The following SEC11C variants were observed in gnomAD, a reference collection of about 807,000 sequenced individuals.
The protein encoded by SEC11C is signal peptidase complex catalytic subunit SEC11C.
Under a neutral mutation model 21.9 loss-of-function variants are expected in SEC11C, and 10 were observed. The ratio of observed to expected loss-of-function variants is 0.46; its 90% CI spans 0.28 to 0.77. The LOEUF is 0.77. SEC11C is among the 30% of genes least tolerant of loss of function. The probability of loss-of-function intolerance (pLI) is 0.12; values close to 1 mark genes in which losing one functional copy is unlikely to be tolerated. For missense variants in SEC11C, 145 were observed against 244.5 expected (o/e 0.59, Z 2.71); for synonymous variants, 83 against 85.6 (o/e 0.97, Z 0.17).
intron 1 of SEC11C, among the ~76,000 whole-genome samples, chr18:59,144,358 T>C (rs1262407049): frequency 6.6e-6 from 1 of 152,232 alleles, no homozygotes; most frequent in African/African-American, 2.4e-5. Flanking sequence ...TTTATCAATT[T>C]GTATCCCCAT....
intron 2 of SEC11C, 49 bp from the exon 3 acceptor site, chr18:59,152,487 C>G (rs748037958): frequency 6.5e-7 from 1 of 1,538,618 alleles, no homozygotes; most frequent in Non-Finnish European, 8.7e-7. Context: ...ATTCTGATCG[C>G]CTTTTGGACA....
chr18:59,144,299 G>T (rs2069245737), intron 1 of SEC11C, among the ~76,000 whole-genome samples: 1 of 152,166 alleles, frequency 6.6e-6, no homozygotes, highest in South Asian at 2.1e-4. Context: ...GTAGGATTAT[G>T]GGCCAAGAGT....
At chr18:59,149,730 A>C in intron 2 of SEC11C, 108 bp downstream of exon 2, 1 of 574,614 alleles carries the variant, frequency 1.7e-6, no homozygotes, top group Non-Finnish European at 3.2e-6. Context: ...GCTAAAATTC[A>C]AGATTTTAAT....
At chr18:59,149,492 G>A (rs1342937626) in intron 1 of SEC11C, 21 bp from the exon 2 acceptor site, 2 of 1,520,658 alleles carry the variant, frequency 1.3e-6, no homozygotes. Context: ...TTTCATCGTG[G>A]TTTCCTCTTT....
Position 59,152,397 on chromosome 18 carries a change from A to G in SEC11C, c.198-139A>G, listed in dbSNP as rs1013160319. 5 of 772,276 alleles carry G rather than the reference A, an allele frequency of 6.5e-6. No individual in the cohort carries two copies. The African/African-American group carries it at 7.0e-5, about 11-fold the overall frequency. 47.8% of individuals were successfully genotyped at this position (772,276 alleles called of 1,614,324 possible). On this transcript the variant is annotated intron_variant, in intron 2 of 5. Transcript: ENST00000587834. ...TTTCGCACATGTTACCACCTTGAGCAGTTAAGAAGGAAGCCACATTGGCTC... is the reference window on the plus strand; with the variant it reads ...TTTCGCACATGTTACCACCTTGAGCGGTTAAGAAGGAAGCCACATTGGCTC...
At chr18:59,149,758 T>G (rs1259233655) in intron 2 of SEC11C, 136 bp downstream of exon 2, 3 of 489,942 alleles carry the variant, frequency 6.1e-6, no homozygotes, top group Non-Finnish European at 1.1e-5. Context: ...ATTATTAGTC[T>G]TTATTGATAT....
At chr18:59,149,089 G>C (rs934526215) in intron 1 of SEC11C, among the ~76,000 whole-genome samples, 2 of 152,234 alleles carry the variant, frequency 1.3e-5, no homozygotes, top group African/African-American at 4.8e-5. Flanking sequence ...GAGGCTAAAG[G>C]TAGTTCTAGG....
intron 1 of SEC11C, among the ~76,000 whole-genome samples, chr18:59,142,057 G>T (rs911531017): frequency 3.3e-5 from 5 of 150,034 alleles, no homozygotes; most frequent in Non-Finnish European, 7.4e-5. Flanking sequence ...CATGGTGGTG[G>T]TTTTTTTTTT....
intron 5 of SEC11C, 39 bp from the exon 6 acceptor site, chr18:59,158,593 T>C (rs763799928): frequency 1.3e-6 from 2 of 1,577,904 alleles, no homozygotes; most frequent in Non-Finnish European, 1.7e-6. Flanking sequence ...AATTTCTTTG[T>C]AGACCTCACA....
chr18:59,149,688 C>CG, intron 2 of SEC11C, 66 bp downstream of exon 2: 1 of 957,514 alleles, frequency 1.0e-6, no homozygotes. Flanking sequence ...GCCTGAGGAG[C>CG]GGGGCAGCCT....
chr18:59,145,896 A>C (rs919141127), intron 1 of SEC11C, among the ~76,000 whole-genome samples: 1 of 152,216 alleles, frequency 6.6e-6, no homozygotes, highest in Admixed American at 6.5e-5. Flanking sequence ...ACAGGTTTCT[A>C]GCCTAGGAGC....
At chr18:59,140,192 C>T (rs2069193445) in intron 1 of SEC11C, 157 bp downstream of exon 1, 2 of 593,284 alleles carry the variant, frequency 3.4e-6, no homozygotes, top group Non-Finnish European at 5.9e-6. Flanking sequence ...TCTACGCCTA[C>T]GTGTGGGCAT....
chr18:59,148,728 C>T (rs2069310248), intron 1 of SEC11C, among the ~76,000 whole-genome samples: 1 of 152,072 alleles, frequency 6.6e-6, no homozygotes, highest in African/African-American at 2.4e-5. Flanking sequence ...ATTCTCCTGC[C>T]TCCGGCTCCC....
intron 1 of SEC11C, among the ~76,000 whole-genome samples, chr18:59,149,210 C>T (rs2069317222): frequency 6.6e-6 from 1 of 152,184 alleles, no homozygotes; most frequent in Non-Finnish European, 1.5e-5. Flanking sequence ...TAGTGGAACT[C>T]TCTAGGGTAT....
At chr18:59,155,462 G>C in intron 3 of SEC11C, 1 of 407,304 alleles carries the variant, frequency 2.5e-6, no homozygotes. Flanking sequence ...TGTTGTCAAG[G>C]ATACTTGAGT....
intron 3 of SEC11C, among the ~76,000 whole-genome samples, chr18:59,154,253 A>C (rs2069394084): frequency 6.6e-6 from 1 of 152,146 alleles, no homozygotes; most frequent in African/African-American, 2.4e-5. Context: ...GGAAGTGTTG[A>C]TTATTTGCTC....
intron 1 of SEC11C, among the ~76,000 whole-genome samples, chr18:59,141,019 G>C (rs1426434705): frequency 6.6e-6 from 1 of 152,092 alleles, no homozygotes; most frequent in African/African-American, 2.4e-5. Flanking sequence ...AGTTTTGATT[G>C]TCTTTGAAAA....
chr18:59,154,835 G>A (rs112057366), intron 3 of SEC11C, among the ~76,000 whole-genome samples: 3,398 of 152,292 alleles, frequency 0.022, 130 homozygotes, highest in African/African-American at 0.078. Flanking sequence ...GGAGGCCAAG[G>A]CGGGTGGATC....
At chr18:59,150,183 A>G (rs1255193469) in intron 2 of SEC11C, among the ~76,000 whole-genome samples, 1 of 152,224 alleles carries the variant, frequency 6.6e-6, no homozygotes, top group Non-Finnish European at 1.5e-5. Flanking sequence ...ACTTAACATC[A>G]ATTTGAAATC....
Sources: gnomAD v4.1 joint callset for allele counts (sites outside exome capture counted in the v4.1 genomes callset) on GRCh38, gnomAD v4.1.1 for gene constraint, MANE v1.5 for transcripts, NCBI Gene and HGNC (gene_info 2026-07-23, HGNC 2026-07-21) for gene names.